Variants in KIF20B observed in about 807,000 individuals in gnomAD.
KIF20B encodes kinesin family member 20B, also known as kinesin-like protein KIF20B.
In KIF20B, 188 loss-of-function variants were observed where a neutral mutation model predicts 232.5. That is an observed-to-expected ratio of 0.81 (90% CI 0.72 to 0.91). The LOEUF (loss-of-function observed/expected upper bound fraction) is 0.91. KIF20B is among the 40% of genes least tolerant of loss of function. The pLI is 0.00. For missense variants in KIF20B, 2,154 were observed against 2,055.9 expected (o/e 1.05, Z -0.92); for synonymous variants, 712 against 683.0 (o/e 1.04, Z -0.66).
At chr10:89,714,803 A>C (rs1842904618) in intron 7 of KIF20B, 152 bp from the exon 8 acceptor site, 1 of 564,680 alleles carries the variant, frequency 1.8e-6, no homozygotes, top group Non-Finnish European at 3.1e-6. Context: ...TATTATTTAC[A>C]TCTTCCTTTG....
intron 1 of KIF20B, among the ~76,000 whole-genome samples, chr10:89,702,173 T>G (rs962721452): frequency 2.0e-5 from 3 of 152,184 alleles, no homozygotes; most frequent in Admixed American, 1.3e-4. Context: ...GGTGAGCAGT[T>G]TGCTCGGCTG....
chr10:89,771,245 G>A (rs148924486), intron 31 of KIF20B, among the ~76,000 whole-genome samples: 1 of 151,880 alleles, frequency 6.6e-6, no homozygotes, highest in East Asian at 1.9e-4. Context: ...TTTTGTCTTA[G>A]CACTTTTTAA....
In KIF20B at chr10:89,749,632, T is replaced by G. The variant is rs1252593336; in HGVS notation, c.4097-1714T>G. On this transcript the variant is annotated intron_variant, in intron 23 of 32. Coordinates refer to ENST00000371728, the MANE Select transcript of KIF20B (RefSeq NM_001284259.2). ...TTTCTGTCTGTATGAATTTGCCTAT[T>G]ATGGACAATTCATGTTAAGTCAGTT... Among the ~76,000 whole-genome samples the G allele has an allele frequency of 2.6e-5, 4 of 152,220 alleles. No homozygotes were observed. The East Asian group carries it at 5.8e-4, about 22-fold the overall frequency.
At chr10:89,727,400 A>G (rs1438440494) in intron 16 of KIF20B, among the ~76,000 whole-genome samples, 1 of 152,112 alleles carries the variant, frequency 6.6e-6, no homozygotes, top group African/African-American at 2.4e-5. Flanking sequence ...GACTACAGAC[A>G]TGTGCCACCA....
At position 89,719,841 on chromosome 10, in the gene KIF20B, T is replaced by C. The variant is rs1843013442; in HGVS notation, c.1722+135T>C. The C allele has an allele frequency of 1.0e-5, 7 of 670,028 alleles. No homozygotes were observed. In the South Asian group the frequency reaches 1.6e-4, roughly 15 times the overall value. The allele number at this position is 670,028 out of a possible 1,614,324, so 41.5% of individuals were successfully genotyped here. ...GTGTTCAACTTTATATTTTGAAAAA[T>C]TTCAAACCTATAGAAAGACTAGTAC... On this transcript the variant is annotated intron_variant, in intron 13 of 32. Coordinates refer to ENST00000371728, the MANE Select transcript of KIF20B (RefSeq NM_001284259.2).
At position 89,737,482 on chromosome 10, in the gene KIF20B, C is replaced by G. The variant is rs1841683405; in HGVS notation, c.2641C>G (p.Gln881Glu). 1.4e-5 allele frequency: 22 copies of G among 1,608,680 alleles called. No individual in the cohort carries two copies. Among genetic ancestry groups the G allele is most frequent in the Non-Finnish European group, 1.9e-5 (22 of 1,178,504 alleles). The change falls in exon 20 of 33, where the codon CAA becomes GAA. Residue 881 changes from glutamine (Q) to glutamate (E), a missense_variant. Gln to Glu is a conservative substitution (Grantham distance 29, BLOSUM62 2). Coordinates refer to ENST00000371728, the MANE Select transcript of KIF20B (RefSeq NM_001284259.2). ...AGAAATTGAAGACATCAGAGTTTTA[C>G]AAGAAAATAATGAAGGACTGAGAGC... ...IAEIEDIRVL[Q>E]ENNEGLRAFL...
At chr10:89,742,376 A>G (rs987069858) in intron 21 of KIF20B, among the ~76,000 whole-genome samples, 1 of 152,132 alleles carries the variant, frequency 6.6e-6, no homozygotes, top group Non-Finnish European at 1.5e-5. Flanking sequence ...ATAAGGGGGA[A>G]CTTGTCCTTG....
At chr10:89,758,042 T>C (rs1842166598) in intron 26 of KIF20B, among the ~76,000 whole-genome samples, 1 of 152,070 alleles carries the variant, frequency 6.6e-6, no homozygotes, top group African/African-American at 2.4e-5. Context: ...GTCATTTTGT[T>C]CTTCATTTTC....
In KIF20B at chr10:89,751,461, G is replaced by A; in HGVS notation, c.4212G>A (p.Arg1404=). 1 of 1,602,244 alleles carries A rather than the reference G, an allele frequency of 6.2e-7. No homozygotes were observed. The highest frequency in any genetic ancestry group is 8.5e-7 in the Non-Finnish European group (1 of 1,175,572). Residue 1404 remains arginine (R), a synonymous_variant, in exon 24 of 33, where the codon AGG becomes AGA. Transcript: ENST00000371728. Reference sequence around the variant, plus strand: ...AGGCTAAATTAGAGGAAGTTGAAAGGCTGGCCACAGGTAAAACAAGATTGC... The same window carrying A: ...AGGCTAAATTAGAGGAAGTTGAAAGACTGGCCACAGGTAAAACAAGATTGC... ...VLEAKLEEVE[R]LATELEKWKE... is the part of the protein sequence containing the mutation.
At chr10:89,744,821 C>T (rs1440268930) in intron 22 of KIF20B, among the ~76,000 whole-genome samples, 2 of 151,910 alleles carry the variant, frequency 1.3e-5, no homozygotes, top group Admixed American at 1.3e-4. Flanking sequence ...ATAAAGCATT[C>T]TATAACAATA....
intron 21 of KIF20B, among the ~76,000 whole-genome samples, chr10:89,742,065 A>G (rs1266827870): frequency 1.3e-5 from 2 of 152,162 alleles, no homozygotes; most frequent in Non-Finnish European, 2.9e-5. Context: ...AAGAAAAAAA[A>G]TTGTAATCTG....
chr10:89,714,872 G>A, intron 7 of KIF20B, 83 bp from the exon 8 acceptor site: 1 of 843,270 alleles, frequency 1.2e-6, no homozygotes, highest in Non-Finnish European at 1.9e-6. Flanking sequence ...TTTTTCAAGT[G>A]TGAGAATCGA....
intron 21 of KIF20B, among the ~76,000 whole-genome samples, chr10:89,742,186 C>T (rs137862952): frequency 6.6e-6 from 1 of 152,198 alleles, no homozygotes; most frequent in African/African-American, 2.4e-5. Flanking sequence ...AAGTTATGGC[C>T]ACAATTCATG....
chr10:89,704,798 C>T (rs530827255), intron 1 of KIF20B, among the ~76,000 whole-genome samples: 18 of 152,270 alleles, frequency 1.2e-4, no homozygotes, highest in East Asian at 1.2e-3. Flanking sequence ...GCCTCGTGAT[C>T]GACCCGCCTT....
chr10:89,707,084 A>G (rs990890968), intron 2 of KIF20B, among the ~76,000 whole-genome samples: 1 of 152,178 alleles, frequency 6.6e-6, no homozygotes, highest in Non-Finnish European at 1.5e-5. Context: ...AGTATTTTAT[A>G]CTTGTCAATG....
intron 18 of KIF20B, among the ~76,000 whole-genome samples, chr10:89,731,816 G>T (rs749594935): frequency 6.6e-6 from 1 of 152,164 alleles, no homozygotes; most frequent in Non-Finnish European, 1.5e-5. Flanking sequence ...GTGAGAAAGC[G>T]TGGAGATTGT....
intron 19 of KIF20B, 148 bp downstream of exon 19, chr10:89,733,204 T>A: frequency 1.3e-6 from 1 of 746,920 alleles, no homozygotes; most frequent in Non-Finnish European, 2.2e-6. Context: ...TGGAAAGTTA[T>A]ACATTTTCTA....
chr10:89,754,370 C>A, intron 25 of KIF20B, 148 bp from the exon 26 acceptor site: 1 of 410,530 alleles, frequency 2.4e-6, no homozygotes, highest in Non-Finnish European at 4.2e-6. Flanking sequence ...TTTAAATAAT[C>A]TGAAGCTTTG....
chr10:89,730,096 G>A (rs10881643), intron 18 of KIF20B, among the ~76,000 whole-genome samples: 46,927 of 151,848 alleles, frequency 0.31, 8,151 homozygotes, highest in African/African-American at 0.46. Flanking sequence ...CTGAACTTTA[G>A]ATGGGCATTT....
Sources: allele counts gnomAD v4.1 joint callset (sites outside exome capture counted in the v4.1 genomes callset), GRCh38; gene constraint gnomAD v4.1.1; transcripts MANE v1.5; gene names NCBI Gene and HGNC (gene_info 2026-07-23, HGNC 2026-07-21).